Variants in YTHDC2 observed in about 807,000 individuals in gnomAD.
YTHDC2 encodes 3'-5' RNA helicase YTHDC2.
YTHDC2 carries 45 observed loss-of-function variants against 174.9 expected under a neutral mutation model. That is an observed-to-expected ratio of 0.26 (90% CI 0.20 to 0.33). The LOEUF is 0.33. Among genes scored for constraint, YTHDC2 ranks in the 10% least tolerant of loss-of-function variants. The probability of loss-of-function intolerance (pLI) is 1.00; values close to 1 mark genes in which losing one functional copy is unlikely to be tolerated. For synonymous variants in YTHDC2, 657 were observed against 574.5 expected (o/e 1.14, Z -2.05); for missense variants, 1,650 against 1,723.7 (o/e 0.96, Z 0.76).
rs779741963 is a variant in YTHDC2 at position 113,567,224 on chromosome 5, T to G, written c.2975T>G (p.Val992Gly). 1 of 1,613,714 alleles carries G rather than the reference T, an allele frequency of 6.2e-7. No homozygotes were observed. Among genetic ancestry groups the G allele is most frequent in the South Asian group, 1.1e-5 (1 of 91,058 alleles). ...GTCCACGTGGACAGAGAGAATCTAG[T>G]GTTGACAGGGCCAAAGGAGAAAAAA... ...NLVHVDRENL[V>G]LTGPKEKKVR... is the part of the protein sequence containing the mutation. Residue 992 changes from valine to glycine, a missense_variant, in exon 22 of 30, where the codon GTG becomes GGG. Coordinates refer to ENST00000161863, the MANE Select transcript of YTHDC2 (RefSeq NM_022828.5).
At chr5:113,550,950 T>G (rs1210161891) in intron 12 of YTHDC2, among the ~76,000 whole-genome samples, 1 of 152,070 alleles carries the variant, frequency 6.6e-6, no homozygotes, top group Non-Finnish European at 1.5e-5. Flanking sequence ...ATTGAAAGCT[T>G]CTGTTTTCAA....
chr5:113,570,812 C>G (rs1254456875), intron 23 of YTHDC2, among the ~76,000 whole-genome samples: 3 of 151,228 alleles, frequency 2.0e-5, no homozygotes, highest in African/African-American at 7.4e-5. Flanking sequence ...CACCATACTC[C>G]ACTAATTTTT....
intron 10 of YTHDC2, among the ~76,000 whole-genome samples, chr5:113,543,959 C>T (rs558625987): frequency 6.6e-6 from 1 of 152,254 alleles, no homozygotes; most frequent in East Asian, 1.9e-4. Flanking sequence ...ACGATATTTC[C>T]TTACTCTCCT....
At position 113,538,752 on chromosome 5, in the gene YTHDC2, C is replaced by G. The variant is rs150731478; in HGVS notation, c.1103-322C>G. ...TGGATTTTTGGATTGATTTCTGTCT[C>G]TTCCACTAGCTTGCCTCCAGGGAAC... On this transcript the variant is annotated intron_variant, in intron 7 of 29. Coordinates refer to ENST00000161863, the MANE Select transcript of YTHDC2 (RefSeq NM_022828.5). Among the ~76,000 whole-genome samples the G allele has an allele frequency of 5.9e-5, 9 of 152,218 alleles. No homozygotes were observed. In the East Asian group the frequency reaches 1.5e-3, roughly 26 times the overall value.
chr5:113,531,162 C>T (rs6898292), intron 4 of YTHDC2, among the ~76,000 whole-genome samples: 1 of 152,090 alleles, frequency 6.6e-6, no homozygotes, highest in Non-Finnish European at 1.5e-5. Context: ...CTTATCTTCT[C>T]TTTTAAAATA....
In YTHDC2 at chr5:113,590,651, C is replaced by T. The variant is rs562564779; in HGVS notation, c.3826-390C>T. 9.2e-5 allele frequency among the ~76,000 whole-genome samples: 14 copies of T among 152,308 alleles called. 1 individual carries two copies. In the South Asian group the frequency reaches 2.1e-3, roughly 23 times the overall value. ...CTCTGAACTCCAGTGTCTTTCTGCA[C>T]AACTTAATGAGACCACTGGACTCTG... On this transcript the variant is annotated intron_variant, in intron 26 of 29. Coordinates refer to ENST00000161863, the MANE Select transcript of YTHDC2 (RefSeq NM_022828.5).
intron 2 of YTHDC2, among the ~76,000 whole-genome samples, chr5:113,519,693 G>T (rs1773728870): frequency 6.6e-6 from 1 of 152,140 alleles, no homozygotes; most frequent in Non-Finnish European, 1.5e-5. Flanking sequence ...ATTCCTTGAG[G>T]AGGCAGGAGC....
chr5:113,548,870 G>T, intron 11 of YTHDC2, 85 bp from the exon 12 acceptor site: 1 of 1,322,084 alleles, frequency 7.6e-7, no homozygotes, highest in Non-Finnish European at 1.0e-6. Flanking sequence ...TTTTTGAAAA[G>T]ACAGGGTCTT....
intron 23 of YTHDC2, among the ~76,000 whole-genome samples, chr5:113,576,282 A>G (rs540482702): frequency 6.3e-4 from 96 of 152,234 alleles, no homozygotes; most frequent in African/African-American, 2.2e-3. Flanking sequence ...TTGGAGGCAA[A>G]TCTGTTTCAA....
Position 113,595,262 on chromosome 5 carries a change from T to A in YTHDC2, c.*1788T>A, listed in dbSNP as rs1779200696. On this transcript the variant is annotated 3_prime_UTR_variant, in exon 30 of 30. Transcript: ENST00000161863. ...TGGAAGCGATAAACTTTAAATATAC[T>A]TATTAAAATGAAATTCTATTAAGTT... The A allele has an allele frequency of 2.0e-5, 3 of 152,094 alleles. No individual in the cohort carries two copies. In the South Asian group the frequency reaches 6.2e-4, roughly 31 times the overall value. 9.4% of individuals were successfully genotyped at this position (152,094 alleles called of 1,614,324 possible).
chr5:113,582,814 A>G (rs1344325335), intron 25 of YTHDC2: 2 of 152,168 alleles, frequency 1.3e-5, no homozygotes, highest in African/African-American at 4.8e-5. Flanking sequence ...ATTGGTTTCC[A>G]TGTTCTTCAG....
At chr5:113,519,438 A>C (rs148277512) in intron 2 of YTHDC2, among the ~76,000 whole-genome samples, 1 of 152,170 alleles carries the variant, frequency 6.6e-6, no homozygotes, top group Non-Finnish European at 1.5e-5. Flanking sequence ...ACAAAATCCC[A>C]TCTCGATTTT....
chr5:113,560,347 T>G (rs1043824807), intron 17 of YTHDC2, among the ~76,000 whole-genome samples: 2 of 152,228 alleles, frequency 1.3e-5, no homozygotes, highest in African/African-American at 4.8e-5. Context: ...ACTTAATGGT[T>G]GAGAAATTTT....
intron 16 of YTHDC2, among the ~76,000 whole-genome samples, 161 bp downstream of exon 16, chr5:113,554,183 G>A (rs1776452073): frequency 6.6e-6 from 1 of 151,980 alleles, no homozygotes; most frequent in African/African-American, 2.4e-5. Context: ...TACGAAAAAT[G>A]TCTGGTTCTA....
At chr5:113,557,934 C>T (rs1470309143) in intron 17 of YTHDC2, among the ~76,000 whole-genome samples, 6 of 152,102 alleles carry the variant, frequency 3.9e-5, no homozygotes, top group Non-Finnish European at 8.8e-5. Context: ...ATAAATAAAC[C>T]ATAGCCTGAT....
intron 8 of YTHDC2, among the ~76,000 whole-genome samples, chr5:113,539,979 G>A (rs1040156970): frequency 6.6e-6 from 1 of 152,100 alleles, no homozygotes; most frequent in South Asian, 2.1e-4. Flanking sequence ...ATGGCTCACT[G>A]CAGCCTCGAC....
In YTHDC2 at chr5:113,581,571, A is replaced by G. The variant is rs1240038459; in HGVS notation, c.3509A>G (p.Gln1170Arg). The part of the protein sequence containing the change: ...LSTEEQSAGL[Q>R]QPSGIGQRPR... Reference sequence around the variant, plus strand: ...ACTGAAGAACAGTCTGCAGGTTTACAACAACCATCTGGGATTGGCCAAAGG... The same window carrying G: ...ACTGAAGAACAGTCTGCAGGTTTACGACAACCATCTGGGATTGGCCAAAGG... The change falls in exon 25 of 30, where the codon CAA becomes CGA. Residue 1170 changes from glutamine to arginine, a missense_variant. Physicochemically the swap from Gln to Arg is conservative, Grantham distance 43. This residue lies in a region of YTHDC2 where 913 missense variants were observed against 940.4 expected (regional missense o/e 0.97). Transcript: ENST00000161863. 1.2e-6 allele frequency: 2 copies of G among 1,614,000 alleles called. No individual in the cohort carries two copies. Among genetic ancestry groups the G allele is most frequent in the African/African-American group, 2.7e-5 (2 of 74,946 alleles).
chr5:113,578,391 TG>T (rs1778199013), intron 23 of YTHDC2, among the ~76,000 whole-genome samples: 1 of 146,390 alleles, frequency 6.8e-6, no homozygotes, highest in South Asian at 2.1e-4. Flanking sequence ...TGTTTTGTTT[TG>T]TTTTTTTGTG....
intron 26 of YTHDC2, among the ~76,000 whole-genome samples, chr5:113,589,408 AATATATATATAT>A (rs34243829): frequency 1.6e-5 from 2 of 123,262 alleles, no homozygotes; most frequent in South Asian, 5.1e-4. Flanking sequence ...AAAAAAAAAA[AATATATATATAT>A]ATATATATAT....
Sources: gnomAD v4.1 joint callset for allele counts (sites outside exome capture counted in the v4.1 genomes callset) on GRCh38, gnomAD v4.1.1 for gene constraint, gnomAD v4.1.1 regional missense constraint, MANE v1.5 for transcripts, NCBI Gene and HGNC (gene_info 2026-07-23, HGNC 2026-07-21) for gene names.